GCM1: variants seen among roughly 807,000 people sequenced by gnomAD.
The protein encoded by GCM1 is chorion-specific transcription factor GCMa.
In GCM1, 2 loss-of-function variants were observed where a neutral mutation model predicts 25.7. The ratio of observed to expected loss-of-function variants is 0.08; its 90% CI spans 0.03 to 0.24. GCM1 has a LOEUF of 0.24. GCM1 is among the 10% of genes least tolerant of loss of function. GCM1 has a pLI of 1.00. For missense variants in GCM1, 395 were observed against 538.7 expected (o/e 0.73, Z 2.64); for synonymous variants, 183 against 195.7 (o/e 0.94, Z 0.54).
At chr6:53,131,968 A>T in intron 4 of GCM1, 39 bp downstream of exon 4, 1 of 1,110,654 alleles carries the variant, frequency 9.0e-7, no homozygotes, top group Admixed American at 1.7e-5. Flanking sequence ...GAAACTCCTC[A>T]GTAATGAAAC....
In GCM1 at chr6:53,142,329, C is replaced by T. The variant is rs546526613; in HGVS notation, c.75+3229G>A. Reference sequence around the variant, plus strand: ...CTGGGGAACATCAACCCCTGAAGGGCTTCAGGAAAAAAGTTTCATGGTCAA... The same window carrying T: ...CTGGGGAACATCAACCCCTGAAGGGTTTCAGGAAAAAAGTTTCATGGTCAA... On this transcript the variant is annotated intron_variant, in intron 2 of 5. Coordinates refer to ENST00000259803, the MANE Select transcript of GCM1 (RefSeq NM_003643.4). 1.6e-3 allele frequency among the ~76,000 whole-genome samples: 250 copies of T among 152,182 alleles called. 2 individuals carry two copies. The highest frequency in any genetic ancestry group is 3.4e-3 in the Middle Eastern group (1 of 294).
At chr6:53,138,307 T>C (rs933853872) in intron 2 of GCM1, among the ~76,000 whole-genome samples, 4 of 139,506 alleles carry the variant, frequency 2.9e-5, no homozygotes, top group African/African-American at 1.1e-4. Context: ...AAAGCAGTAA[T>C]AATTTGGACA....
intron 2 of GCM1, among the ~76,000 whole-genome samples, chr6:53,140,591 C>T (rs988722034): frequency 2.1e-4 from 31 of 147,286 alleles, no homozygotes; most frequent in African/African-American, 7.7e-4. Context: ...CTTGGGGTGG[C>T]TTTGGCCATG....
At chr6:53,136,369 T>C (rs562856676) in intron 2 of GCM1, among the ~76,000 whole-genome samples, 1 of 152,352 alleles carries the variant, frequency 6.6e-6, no homozygotes, top group South Asian at 2.1e-4. Context: ...GGAGGTACAC[T>C]GTCTTTCTGG....
At position 53,139,478 on chromosome 6, in the gene GCM1, T is replaced by G. The variant is rs541021385; in HGVS notation, c.76-5154A>C. On this transcript the variant is annotated intron_variant, in intron 2 of 5. Coordinates refer to ENST00000259803, the MANE Select transcript of GCM1 (RefSeq NM_003643.4). ...GAGTTCAAGACCAGCCTAGGCAAGA[T>G]AGTAAGACCCCCATCTCAAAAAAAA... Among the ~76,000 whole-genome samples, 4 of 114,698 alleles carry G rather than the reference T, an allele frequency of 3.5e-5. No individual in the cohort carries two copies. The Admixed American group carries it at 4.5e-4, about 13-fold the overall frequency. The allele number at this position is 114,698 out of a possible 152,430, so 75.2% of individuals were successfully genotyped here. A position where few individuals can be genotyped will look rare whatever the true frequency, so the allele number is the denominator to read the frequency against.
chr6:53,144,212 A>G (rs1414198884), intron 2 of GCM1, among the ~76,000 whole-genome samples: 1 of 152,190 alleles, frequency 6.6e-6, no homozygotes, highest in African/African-American at 2.4e-5. Flanking sequence ...GTTCGTGGCC[A>G]GTAGTTTGAG....
At chr6:53,146,216 ATTT>A (rs70980806) in intron 1 of GCM1, among the ~76,000 whole-genome samples, 2,371 of 100,902 alleles carry the variant, frequency 0.023, 22 homozygotes, top group South Asian at 0.071. Flanking sequence ...ATATATATAT[ATTT>A]TTTTTTTTTT....
rs531058282 is a variant in GCM1, at chr6:53,134,094, G to A, written c.306C>T (p.Asp102=). 1 of 1,614,084 alleles carries A rather than the reference G, an allele frequency of 6.2e-7. No homozygotes were observed. Among genetic ancestry groups the A allele is most frequent in the Admixed American group, 1.7e-5 (1 of 60,022 alleles). ...CACGCTGCTGCTTCTGCCGGGCCTT[G>A]TCACAGATGGCAGGTCTCAGGTAGA... ...RKIYLRPAIC[D]KARQKQQRKR... Residue 102 remains aspartate (D), a synonymous_variant, in exon 3 of 6, where the codon GAC becomes GAT. Coordinates refer to ENST00000259803, the MANE Select transcript of GCM1 (RefSeq NM_003643.4).
chr6:53,134,728 G>A (rs573486894), intron 2 of GCM1, among the ~76,000 whole-genome samples: 2 of 152,350 alleles, frequency 1.3e-5, no homozygotes, highest in South Asian at 4.1e-4. Context: ...AGCAACTCAG[G>A]AGGCTGAGGT....
chr6:53,137,527 C>T (rs1371237600), intron 2 of GCM1, among the ~76,000 whole-genome samples: 3 of 152,172 alleles, frequency 2.0e-5, no homozygotes, highest in African/African-American at 7.2e-5. Flanking sequence ...GCGGCTCACA[C>T]CTGTAATCCC....
At chr6:53,143,643 C>G (rs76983014) in intron 2 of GCM1, among the ~76,000 whole-genome samples, 1 of 152,136 alleles carries the variant, frequency 6.6e-6, no homozygotes, top group Non-Finnish European at 1.5e-5. Flanking sequence ...TTCCCTACAA[C>G]AGTGACAATA....
In GCM1 at chr6:53,128,043, A is replaced by AAAAAAAAC; in HGVS notation, c.*162_*163insGTTTTTTT. 3.3e-6 allele frequency: 1 copy of AAAAAAAAC among 300,564 alleles called. No homozygotes were observed. Among genetic ancestry groups the AAAAAAAAC allele is most frequent in the Non-Finnish European group, 6.0e-6 (1 of 166,076 alleles). The allele number at this position is 300,564 out of a possible 1,614,324, so 18.6% of individuals were successfully genotyped here. On this transcript the variant is annotated 3_prime_UTR_variant, in exon 6 of 6. Transcript: ENST00000259803. ...GACTCTGTCTCAAAAAAAAAAAAAAAAAAAAAAAAAGAAGGAAAAAAGAAA... is the reference window on the plus strand; with the variant it reads ...GACTCTGTCTCAAAAAAAAAAAAAAAAAAAAAACAAAAAAAAAAGAAGGAAAAAAGAAA...
At chr6:53,136,237 G>A (rs907811647) in intron 2 of GCM1, among the ~76,000 whole-genome samples, 1 of 152,224 alleles carries the variant, frequency 6.6e-6, no homozygotes, top group Non-Finnish European at 1.5e-5. Context: ...ATTAACTGAA[G>A]TGTTGTCTAT....
At chr6:53,147,425 GTTT>G (rs70980807) in intron 1 of GCM1, among the ~76,000 whole-genome samples, 458 of 93,536 alleles carry the variant, frequency 4.9e-3, no homozygotes, top group African/African-American at 9.4e-3. Flanking sequence ...AGTTTTTATT[GTTT>G]TTTTTTTTTT....
At chr6:53,134,785 C>G (rs1763773923) in intron 2 of GCM1, among the ~76,000 whole-genome samples, 2 of 152,322 alleles carry the variant, frequency 1.3e-5, no homozygotes, top group Admixed American at 1.3e-4. Flanking sequence ...CTGGGCAACA[C>G]AGCAAGACCC....
chr6:53,137,307 G>T (rs920962085), intron 2 of GCM1, among the ~76,000 whole-genome samples: 1 of 152,082 alleles, frequency 6.6e-6, no homozygotes, highest in African/African-American at 2.4e-5. Flanking sequence ...CAATGCCCGG[G>T]GTGAGAGAAG....
At position 53,128,743 on chromosome 6, in the gene GCM1, G is replaced by T; in HGVS notation, c.774C>A (p.Asp258Glu). The T allele has an allele frequency of 1.2e-6, 2 of 1,613,626 alleles. No homozygotes were observed. The highest frequency in any genetic ancestry group is 1.1e-5 in the South Asian group (1 of 91,068). Residue 258 changes from aspartate to glutamate, a missense_variant, in exon 6 of 6, where the codon GAC (aspartate) becomes GAA (glutamate). By Grantham distance (45) the Asp-to-Glu change is conservative. Transcript: ENST00000259803. Reference sequence around the variant, plus strand: ...TGCGCTTTTCATAGAGCTTCATGGGGTCCACAGTGGAAGTCTGGTCAGTCA... The same window carrying T: ...TGCGCTTTTCATAGAGCTTCATGGGTTCCACAGTGGAAGTCTGGTCAGTCA... ...TDLTDQTSTV[D>E]PMKLYEKRKL...
chr6:53,130,024 G>A (rs988005654), intron 5 of GCM1, among the ~76,000 whole-genome samples: 2 of 152,162 alleles, frequency 1.3e-5, no homozygotes, highest in African/African-American at 4.8e-5. Context: ...AGACTGAAAT[G>A]CCACTTGACT....
intron 2 of GCM1, among the ~76,000 whole-genome samples, chr6:53,139,892 A>G (rs569915181): frequency 6.6e-6 from 1 of 152,264 alleles, no homozygotes; most frequent in East Asian, 1.9e-4. Context: ...AATAAGACTC[A>G]GGACAAAGTT....
Sources: gnomAD v4.1 joint callset for allele counts (sites outside exome capture counted in the v4.1 genomes callset) on GRCh38, gnomAD v4.1.1 for gene constraint, MANE v1.5 for transcripts, NCBI Gene and HGNC (gene_info 2026-07-23, HGNC 2026-07-21) for gene names.